The following EPHB1 variants were observed in gnomAD, a reference collection of about 807,000 sequenced individuals.
EPHB1 encodes the protein ephrin type-B receptor 1.
Under a neutral mutation model 94.4 loss-of-function variants are expected in EPHB1, and 30 were observed. That is an observed-to-expected ratio of 0.32 (90% CI 0.24 to 0.43). The LOEUF (loss-of-function observed/expected upper bound fraction) is 0.43. EPHB1 is among the 20% of genes least tolerant of loss of function. EPHB1 has a pLI of 1.00. For missense variants in EPHB1, 1,055 were observed against 1,308.3 expected (o/e 0.81, Z 2.99); for synonymous variants, 522 against 489.1 (o/e 1.07, Z -0.89).
chr3:134,920,810 C>T (rs182044334), intron 1 of EPHB1, among the ~76,000 whole-genome samples: 1 of 152,294 alleles, frequency 6.6e-6, no homozygotes, highest in East Asian at 1.9e-4. Context: ...CTGGCCCCAC[C>T]ATCCGGACCC....
chr3:135,201,620 G>A lies in EPHB1; in HGVS notation c.2277G>A (p.Lys759=), dbSNP rs1942759084. ...NILVNSNLVC[K]VSDFGLSRYL... ...TGGTCAACAGTAACCTGGTGTGCAA[G>A]GTGTCCGACTTTGGCCTCTCCCGCT... The change falls in exon 12 of 16, where the codon AAG becomes AAA. Residue 759 remains lysine, a synonymous_variant. Transcript: ENST00000398015. The A allele has an allele frequency of 1.2e-6, 2 of 1,614,016 alleles. No individual in the cohort carries two copies. The highest frequency in any genetic ancestry group is 1.7e-6 in the Non-Finnish European group (2 of 1,180,002).
At chr3:135,234,399 C>T (rs1188404218) in intron 12 of EPHB1, among the ~76,000 whole-genome samples, 3 of 152,190 alleles carry the variant, frequency 2.0e-5, no homozygotes, top group Admixed American at 6.5e-5. Context: ...TGGTCAAAGC[C>T]ATTCAACAAG....
chr3:135,121,526 G>T (rs373646933), intron 4 of EPHB1, among the ~76,000 whole-genome samples: 1 of 152,192 alleles, frequency 6.6e-6, no homozygotes, highest in Non-Finnish European at 1.5e-5. Context: ...GACTCTAACC[G>T]GCTTGCTTGG....
intron 1 of EPHB1, among the ~76,000 whole-genome samples, chr3:134,847,653 A>T (rs1055327114): frequency 6.6e-6 from 1 of 152,188 alleles, no homozygotes; most frequent in Non-Finnish European, 1.5e-5. Context: ...GGAAATGGGA[A>T]CCAGAAGGTC....
In EPHB1 at chr3:135,053,027, G is replaced by GTGTA. The variant is rs1256844091; in HGVS notation, c.806-53420_806-53419insGTAT. ...TGTGTATATATATGTGTGTGTGTGTGTATATATATATATATATATATATAT... is the reference window on the plus strand; with the variant it reads ...TGTGTATATATATGTGTGTGTGTGTGTGTATATATATATATATATATATATATAT... On this transcript the variant is annotated intron_variant, in intron 3 of 15. Coordinates refer to ENST00000398015, the MANE Select transcript of EPHB1 (RefSeq NM_004441.5). 7.2e-5 allele frequency among the ~76,000 whole-genome samples: 8 copies of GTGTA among 110,474 alleles called. 1 individual carries two copies. The highest frequency in any genetic ancestry group is 4.8e-4 in the Admixed American group (5 of 10,446). The allele number at this position is 110,474 out of a possible 152,430, so 72.5% of individuals were successfully genotyped here. A position where few individuals can be genotyped will look rare whatever the true frequency, so the allele number is the denominator to read the frequency against.
At chr3:134,952,181 C>T in intron 3 of EPHB1, 129 bp downstream of exon 3, 1 of 962,308 alleles carries the variant, frequency 1.0e-6, no homozygotes, top group South Asian at 1.8e-5. Flanking sequence ...GCTCTGAGGA[C>T]TCCCATTCCT....
intron 3 of EPHB1, among the ~76,000 whole-genome samples, chr3:135,032,517 T>G (rs1936511687): frequency 6.6e-6 from 1 of 152,228 alleles, no homozygotes; most frequent in Admixed American, 6.5e-5. Context: ...TTGTAGGTTT[T>G]GTTACCTCAG....
intron 3 of EPHB1, among the ~76,000 whole-genome samples, chr3:135,046,779 C>G (rs945886378): frequency 3.9e-5 from 6 of 152,186 alleles, no homozygotes; most frequent in African/African-American, 1.4e-4. Context: ...TCTCCTCTAA[C>G]ATGGGAAATA....
intron 3 of EPHB1, among the ~76,000 whole-genome samples, chr3:135,076,261 A>ATATATATATAT (rs1553729687): frequency 1.3e-4 from 15 of 112,516 alleles, no homozygotes; most frequent in African/African-American, 3.2e-4. Flanking sequence ...ATATATATAT[A>ATATATATATAT]ACTCTTAAAT....
intron 1 of EPHB1, among the ~76,000 whole-genome samples, chr3:134,830,102 A>G (rs2036554181): frequency 6.6e-6 from 1 of 152,110 alleles, no homozygotes; most frequent in East Asian, 1.9e-4. Context: ...CTTCACCTGC[A>G]TTTCTCCAGT....
At chr3:135,069,674 T>C (rs1474830841) in intron 3 of EPHB1, among the ~76,000 whole-genome samples, 1 of 152,158 alleles carries the variant, frequency 6.6e-6, no homozygotes, top group East Asian at 1.9e-4. Context: ...TCTGGAGATC[T>C]GGATCCCCTT....
chr3:135,230,700 T>A lies in EPHB1; in HGVS notation c.2347-10448T>A, dbSNP rs541112338. On this transcript the variant is annotated intron_variant, in intron 12 of 15. Coordinates refer to ENST00000398015, the MANE Select transcript of EPHB1 (RefSeq NM_004441.5). ...AGCATAGAACCCAATAAGTAGTTTT[T>A]CAACCCATGCCTCCCTCCCTCCCTC... Among the ~76,000 whole-genome samples, 7 of 152,290 alleles carry A rather than the reference T, an allele frequency of 4.6e-5. No individual in the cohort carries two copies. The East Asian group carries it at 1.3e-3, about 29-fold the overall frequency.
intron 1 of EPHB1, among the ~76,000 whole-genome samples, chr3:134,884,864 C>A (rs1016526914): frequency 1.3e-5 from 2 of 152,150 alleles, no homozygotes; most frequent in African/African-American, 4.8e-5. Context: ...ATCTTAGGAC[C>A]TACAGTCAGT....
chr3:135,242,101 G>A (rs1218158927), intron 13 of EPHB1, among the ~76,000 whole-genome samples: 1 of 152,190 alleles, frequency 6.6e-6, no homozygotes. Flanking sequence ...GCTTTGATAA[G>A]TCTCCAATGA....
intron 3 of EPHB1, among the ~76,000 whole-genome samples, chr3:135,030,192 A>C (rs1235283824): frequency 6.6e-6 from 1 of 152,030 alleles, no homozygotes; most frequent in Non-Finnish European, 1.5e-5. Flanking sequence ...GCTCAGAGTA[A>C]TTTGATCGTC....
chr3:135,219,420 A>G (rs771073331), intron 12 of EPHB1, among the ~76,000 whole-genome samples: 2 of 151,890 alleles, frequency 1.3e-5, no homozygotes, highest in Non-Finnish European at 1.5e-5. Context: ...GGATTAGACA[A>G]AGACACACAA....
chr3:135,036,982 C>G (rs1030962894), intron 3 of EPHB1, among the ~76,000 whole-genome samples: 15 of 152,030 alleles, frequency 9.9e-5, no homozygotes, highest in Admixed American at 9.2e-4. Flanking sequence ...AGGACCAGAG[C>G]AATGGGGTGG....
intron 12 of EPHB1, among the ~76,000 whole-genome samples, chr3:135,209,313 C>A (rs922982739): frequency 1.3e-5 from 2 of 152,024 alleles, no homozygotes; most frequent in African/African-American, 4.8e-5. Flanking sequence ...AAAGTTTCTC[C>A]CCCCAAAATA....
In EPHB1 at chr3:134,930,595, C is replaced by T. The variant is rs186928525; in HGVS notation, c.123+4715C>T. On this transcript the variant is annotated intron_variant, in intron 2 of 15. Coordinates refer to ENST00000398015, the MANE Select transcript of EPHB1 (RefSeq NM_004441.5). ...CTGGACCTCTAGGCAGTGGGGAGTT[C>T]AGAGAGGTCCTGTGGATAAACAGTC... Among the ~76,000 whole-genome samples, 57 of 152,306 alleles carry T rather than the reference C, an allele frequency of 3.7e-4. 1 individual carries two copies. The East Asian group carries it at 9.7e-3, about 26-fold the overall frequency.
Sources: allele counts gnomAD v4.1 joint callset (sites outside exome capture counted in the v4.1 genomes callset), GRCh38; gene constraint gnomAD v4.1.1; transcripts MANE v1.5; gene names NCBI Gene and HGNC (gene_info 2026-07-23, HGNC 2026-07-21).